Variants in ANKRD31 observed in about 807,000 individuals in gnomAD.
ANKRD31 encodes the protein ankyrin repeat domain-containing protein 31.
In ANKRD31, 147 loss-of-function variants were observed where a neutral mutation model predicts 186.0. The observed-to-expected ratio is 0.79, with a 90% CI of 0.69 to 0.91. The LOEUF (loss-of-function observed/expected upper bound fraction) is 0.91, where lower values mean the gene tolerates loss of function less well. Ranked by LOEUF, ANKRD31 falls within the 40% of genes least tolerant of loss-of-function variation. The pLI, the probability that ANKRD31 is intolerant of heterozygous loss-of-function variation, is 0.00. For synonymous variants in ANKRD31, 673 were observed against 736.4 expected (o/e 0.91, Z 1.39); for missense variants, 1,986 against 2,148.8 (o/e 0.92, Z 1.50).
chr5:75,182,431 A>G (rs1014317939), intron 10 of ANKRD31, among the ~76,000 whole-genome samples: 1 of 152,174 alleles, frequency 6.6e-6, no homozygotes, highest in African/African-American at 2.4e-5. Context: ...AAAGAAGATG[A>G]AAATGGGCCA....
In ANKRD31 at chr5:75,135,390, A is replaced by C. The variant is rs529495427; in HGVS notation, c.3876+2466T>G. ...ACCAATAACAGACAAACAGAGAGCC[A>C]AATCATGAGTGAACTCCCATTCACA... is the stretch of plus-strand genomic sequence containing the variant. On this transcript the variant is annotated intron_variant, in intron 17 of 25. Coordinates refer to ENST00000506364, the MANE Select transcript of ANKRD31 (RefSeq NM_001372053.1). 2.7e-4 allele frequency among the ~76,000 whole-genome samples: 41 copies of C among 152,354 alleles called. 1 individual carries two copies. In the Middle Eastern group the frequency reaches 0.01, roughly 38 times the overall value.
chr5:75,112,704 C>T (rs1373034735), intron 19 of ANKRD31, 104 bp from the exon 20 acceptor site: 2 of 667,050 alleles, frequency 3.0e-6, no homozygotes, highest in Non-Finnish European at 4.6e-6. Context: ...GAAAGTGTTC[C>T]TAAAAATGCT....
At position 75,105,017 on chromosome 5, in the gene ANKRD31, G is replaced by C. The variant is rs543209682; in HGVS notation, c.4542C>G (p.Asp1514Glu). ...PPRSEISSEK[D>E]SQELTSLENL... ...TTTCCAGACTAGTGAGCTCTTGGCT[G>C]TCTTTTTCACTAGAGATTTCTGATC... Residue 1514 changes from aspartate to glutamate, a missense_variant, in exon 22 of 26, where the codon GAC (aspartate) becomes GAG (glutamate). Asp to Glu is a conservative substitution (Grantham distance 45). Transcript: ENST00000506364. 2 of 1,536,712 alleles carry C rather than the reference G, an allele frequency of 1.3e-6. No homozygotes were observed. The highest frequency in any genetic ancestry group is 1.7e-6 in the Non-Finnish European group (2 of 1,146,778).
chr5:75,146,262 T>C lies in ANKRD31; in HGVS notation c.3149A>G (p.Asp1050Gly). ...TGCCATCTTTTCCACAATATGTGTATCTGTTTGATTCATTAAAAAAGTTGG... is the reference window on the plus strand; with the variant it reads ...TGCCATCTTTTCCACAATATGTGTACCTGTTTGATTCATTAAAAAAGTTGG... ...RAPTFLMNQTDTHIVEKMAKN... is the reference protein window; with the variant it reads ...RAPTFLMNQTGTHIVEKMAKN... Residue 1050 changes from aspartate to glycine, a missense_variant, in exon 14 of 26, where the codon GAT becomes GGT. Coordinates refer to ENST00000506364, the MANE Select transcript of ANKRD31 (RefSeq NM_001372053.1). 6.5e-7 allele frequency: 1 copy of C among 1,536,550 alleles called. No individual in the cohort carries two copies. Among genetic ancestry groups the C allele is most frequent in the Non-Finnish European group, 8.7e-7 (1 of 1,146,478 alleles).
At chr5:75,143,711 T>C (rs1751222568) in intron 15 of ANKRD31, among the ~76,000 whole-genome samples, 2 of 152,168 alleles carry the variant, frequency 1.3e-5, no homozygotes, top group Non-Finnish European at 2.9e-5. Context: ...CTGATACATT[T>C]CACGCCTGCT....
At chr5:75,213,929 G>C (rs1282288105) in intron 3 of ANKRD31, among the ~76,000 whole-genome samples, 1 of 152,184 alleles carries the variant, frequency 6.6e-6, no homozygotes, top group African/African-American at 2.4e-5. Context: ...ATGACACACT[G>C]AATGTCTCAC....
intron 17 of ANKRD31, among the ~76,000 whole-genome samples, chr5:75,120,857 G>C (rs1387043171): frequency 6.6e-6 from 1 of 152,048 alleles, no homozygotes; most frequent in Non-Finnish European, 1.5e-5. Context: ...ACTATATGCT[G>C]CCCACAAGAA....
chr5:75,093,476 G>C (rs1011884261), intron 22 of ANKRD31, among the ~76,000 whole-genome samples: 15 of 151,642 alleles, frequency 9.9e-5, no homozygotes, highest in African/African-American at 3.2e-4. Flanking sequence ...GACCAAAACT[G>C]TGTCACAACA....
At chr5:75,202,802 T>C (rs1460603550) in intron 5 of ANKRD31, among the ~76,000 whole-genome samples, 4 of 152,200 alleles carry the variant, frequency 2.6e-5, no homozygotes, top group Non-Finnish European at 5.9e-5. Context: ...TTCTGAATAC[T>C]CTGAAAGGAG....
intron 24 of ANKRD31, among the ~76,000 whole-genome samples, chr5:75,081,833 AT>A (rs1745107275): frequency 6.6e-6 from 1 of 152,184 alleles, no homozygotes; most frequent in South Asian, 2.1e-4. Context: ...AGGGGTGAAT[AT>A]CAAGGACTGT....
intron 10 of ANKRD31, among the ~76,000 whole-genome samples, chr5:75,185,602 A>T (rs902006990): frequency 6.6e-6 from 1 of 151,994 alleles, no homozygotes; most frequent in South Asian, 2.1e-4. Context: ...ATGGTGTCCT[A>T]TTGAAGAGTT....
intron 3 of ANKRD31, among the ~76,000 whole-genome samples, chr5:75,213,360 G>T (rs573246558): frequency 6.6e-6 from 1 of 152,116 alleles, no homozygotes; most frequent in Non-Finnish European, 1.5e-5. Context: ...GGTTCTACAC[G>T]GAACTCCTGG....
At chr5:75,221,409 G>A (rs1184287920) in intron 3 of ANKRD31, among the ~76,000 whole-genome samples, 14 of 152,106 alleles carry the variant, frequency 9.2e-5, no homozygotes, top group Non-Finnish European at 1.5e-4. Flanking sequence ...ATAAGACAAC[G>A]GAAGTGTCTT....
chr5:75,105,283 T>TA, intron 21 of ANKRD31, 65 bp from the exon 22 acceptor site: 1 of 1,397,770 alleles, frequency 7.2e-7, no homozygotes, highest in Non-Finnish European at 9.3e-7. Context: ...AGCGGTCACT[T>TA]AGAGGTTAAA....
intron 21 of ANKRD31, among the ~76,000 whole-genome samples, chr5:75,106,260 A>T (rs1300954592): frequency 6.6e-6 from 1 of 152,028 alleles, no homozygotes; most frequent in Non-Finnish European, 1.5e-5. Context: ...GACTTCACAG[A>T]TCCTGTGAAA....
At position 75,147,234 on chromosome 5, in the gene ANKRD31, T is replaced by G. The variant is rs533947423; in HGVS notation, c.2177A>C (p.Lys726Thr). The G allele has an allele frequency of 8.9e-5, 136 of 1,536,320 alleles. 2 individuals carry two copies. The South Asian group carries it at 1.5e-3, about 17-fold the overall frequency. ...NVKDPNTNVP[K>T]GIGRRKTQHK... ...TTGTGTTTTTCTTCTTCCTATACCT[T>G]TTGGTACGTTTGTGTTGGGATCTTT... is the stretch of plus-strand genomic sequence containing the variant. The change falls in exon 14 of 26, where the codon AAA becomes ACA. Residue 726 changes from lysine to threonine, a missense_variant. Transcript: ENST00000506364.
intron 2 of ANKRD31, chr5:75,225,724 A>T (rs1292746899): frequency 1.3e-5 from 2 of 159,396 alleles, no homozygotes; most frequent in African/African-American, 4.8e-5. Flanking sequence ...CAGCACATTG[A>T]CAGCTGTGGT....
intron 3 of ANKRD31, among the ~76,000 whole-genome samples, chr5:75,211,115 TC>T (rs1312616340): frequency 6.6e-6 from 1 of 152,132 alleles, no homozygotes; most frequent in African/African-American, 2.4e-5. Context: ...TTTTTCATTT[TC>T]CCAAAGTGAA....
At chr5:75,109,472 G>A (rs1220061426) in intron 20 of ANKRD31, among the ~76,000 whole-genome samples, 1 of 152,114 alleles carries the variant, frequency 6.6e-6, no homozygotes, top group Non-Finnish European at 1.5e-5. Context: ...TACCTGAGTG[G>A]GAATCTGCAT....
Sources: gnomAD v4.1 joint callset for allele counts (sites outside exome capture counted in the v4.1 genomes callset) on GRCh38, gnomAD v4.1.1 for gene constraint, MANE v1.5 for transcripts, NCBI Gene and HGNC (gene_info 2026-07-23, HGNC 2026-07-21) for gene names.